The following PLCL2 variants were observed in gnomAD, a reference collection of about 807,000 sequenced individuals.
The protein encoded by PLCL2 is inactive phospholipase C-like protein 2.
Under a neutral mutation model 79.6 loss-of-function variants are expected in PLCL2, and 4 were observed. The observed-to-expected ratio is 0.05, with a 90% CI of 0.02 to 0.11. The LOEUF (loss-of-function observed/expected upper bound fraction) is 0.11, where lower values mean the gene tolerates loss of function less well. PLCL2 is among the 10% of genes least tolerant of loss of function. The pLI is 1.00. For synonymous variants in PLCL2, 484 were observed against 457.7 expected, an observed-to-expected ratio of 1.06 and a Z score of -0.73; for missense variants, 895 against 1,291.0, an observed-to-expected ratio of 0.69 and a Z score of 4.70.
intron 1 of PLCL2, among the ~76,000 whole-genome samples, chr3:16,962,257 T>C (rs1489325530): frequency 6.6e-6 from 1 of 152,190 alleles, no homozygotes; most frequent in Non-Finnish European, 1.5e-5. Flanking sequence ...TGATTTAGTA[T>C]GAAATGGAGA....
At chr3:17,026,285 ACT>A (rs2064516630) in intron 3 of PLCL2, among the ~76,000 whole-genome samples, 2 of 152,216 alleles carry the variant, frequency 1.3e-5, no homozygotes, top group South Asian at 4.1e-4. Context: ...GTCAAGTTTA[ACT>A]CTACAAGCTT....
At chr3:16,971,061 G>A (rs1259663623) in intron 1 of PLCL2, among the ~76,000 whole-genome samples, 1 of 151,740 alleles carries the variant, frequency 6.6e-6, no homozygotes, top group Non-Finnish European at 1.5e-5. Context: ...AAGCTCTTTA[G>A]TTTAATTAGA....
chr3:17,017,992 G>A (rs914514207), intron 3 of PLCL2, among the ~76,000 whole-genome samples: 2 of 152,090 alleles, frequency 1.3e-5, no homozygotes, highest in Admixed American at 6.5e-5. Context: ...CTCCTGTGGT[G>A]GGGTGAGCCT....
Position 17,090,074 on chromosome 3 carries a change from A to G in PLCL2, c.*162A>G. ...ATTAAAACTGTGAATGTATGTAGCA[A>G]TCCTGCGTGTGAAGGCAAATAAACT... On this transcript the variant is annotated 3_prime_UTR_variant, in exon 6 of 6. Coordinates refer to ENST00000615277, the MANE Select transcript of PLCL2 (RefSeq NM_001144382.2). 7.4e-7 allele frequency: 1 copy of G among 1,345,414 alleles called. No individual in the cohort carries two copies. The allele number at this position is 1,345,414 out of a possible 1,614,324, so 83.3% of individuals were successfully genotyped here.
chr3:17,055,756 G>A (rs768052243), intron 4 of PLCL2, among the ~76,000 whole-genome samples: 1 of 152,008 alleles, frequency 6.6e-6, no homozygotes, highest in African/African-American at 2.4e-5. Flanking sequence ...CTCTTTTGAG[G>A]GTAGAGCAGA....
intron 1 of PLCL2, among the ~76,000 whole-genome samples, chr3:16,916,859 T>G (rs1022094408): frequency 2.9e-4 from 44 of 152,198 alleles, no homozygotes; most frequent in African/African-American, 9.7e-4. Context: ...TTTGGCTTCC[T>G]TCTCTCTTTT....
At chr3:16,985,907 G>A (rs1318919958) in intron 1 of PLCL2, among the ~76,000 whole-genome samples, 2 of 152,280 alleles carry the variant, frequency 1.3e-5, no homozygotes, top group East Asian at 3.9e-4. Flanking sequence ...ATTCCCGGCA[G>A]CCCCTTGGAG....
chr3:17,054,449 A>G (rs2064873656), intron 4 of PLCL2, among the ~76,000 whole-genome samples: 1 of 152,060 alleles, frequency 6.6e-6, no homozygotes, highest in Non-Finnish European at 1.5e-5. Flanking sequence ...ACCAGTTCCA[A>G]AGCTGCTTTC....
intron 1 of PLCL2, among the ~76,000 whole-genome samples, chr3:16,993,817 G>T (rs551518113): frequency 1.3e-5 from 2 of 152,156 alleles, no homozygotes; most frequent in East Asian, 1.9e-4. Context: ...AAACTACTAC[G>T]CAGTGTGTAC....
intron 4 of PLCL2, among the ~76,000 whole-genome samples, chr3:17,052,477 T>G (rs1396159801): frequency 2.0e-5 from 3 of 152,172 alleles, no homozygotes; most frequent in Non-Finnish European, 4.4e-5. Flanking sequence ...ATGACTTCTT[T>G]TATGACAAAG....
At chr3:17,040,898 A>G (rs1021068315) in intron 3 of PLCL2, among the ~76,000 whole-genome samples, 4 of 151,950 alleles carry the variant, frequency 2.6e-5, no homozygotes, top group Non-Finnish European at 4.4e-5. Context: ...CATTTGTTTA[A>G]TGACTGGGTT....
rs1413821641 is a variant in PLCL2 at position 16,971,136 on chromosome 3, C to A, written c.328-38538C>A. Among the ~76,000 whole-genome samples the A allele has an allele frequency of 3.6e-3, 541 of 151,258 alleles. 2 individuals carry two copies. Among genetic ancestry groups the A allele is most frequent in the African/African-American group, 5.1e-3 (209 of 41,172 alleles). Reference sequence around the variant, plus strand: ...GGTGTTTTAGACATGAAGTCCTTGCCCATGCCTATGTCCTGAATGGTAATG... The same window carrying A: ...GGTGTTTTAGACATGAAGTCCTTGCACATGCCTATGTCCTGAATGGTAATG... On this transcript the variant is annotated intron_variant, in intron 1 of 5. Transcript: ENST00000615277.
chr3:16,904,306 C>CAAAAAAAAAG (rs1696699812), intron 1 of PLCL2, among the ~76,000 whole-genome samples: 1 of 116,132 alleles, frequency 8.6e-6, no homozygotes, highest in Admixed American at 8.7e-5. Context: ...GAGATCTTGA[C>CAAAAAAAAAG]AAAAAAAAAA....
intron 1 of PLCL2, among the ~76,000 whole-genome samples, chr3:16,922,776 T>G (rs1476349648): frequency 1.3e-5 from 2 of 151,530 alleles, no homozygotes; most frequent in Non-Finnish European, 2.9e-5. Flanking sequence ...TAGAGACAGC[T>G]AAATATACCA....
chr3:16,983,907 C>A (rs2064023759), intron 1 of PLCL2, among the ~76,000 whole-genome samples: 1 of 152,110 alleles, frequency 6.6e-6, no homozygotes, highest in Admixed American at 6.5e-5. Context: ...GTCACATTTT[C>A]AAATGTAATG....
At chr3:16,929,247 G>C (rs1168079553) in intron 1 of PLCL2, among the ~76,000 whole-genome samples, 1 of 152,100 alleles carries the variant, frequency 6.6e-6, no homozygotes, top group African/African-American at 2.4e-5. Context: ...CTCTGCACTA[G>C]GACTTGTCTC....
At chr3:16,993,882 G>C (rs569654272) in intron 1 of PLCL2, among the ~76,000 whole-genome samples, 84 of 152,246 alleles carry the variant, frequency 5.5e-4, no homozygotes, top group African/African-American at 1.7e-3. Flanking sequence ...ATGGTATAGA[G>C]ACCCTCTTAA....
intron 3 of PLCL2, among the ~76,000 whole-genome samples, chr3:17,025,989 G>T (rs3936024): frequency 0.015 from 2,335 of 152,130 alleles, 56 homozygotes; most frequent in African/African-American, 0.053. Flanking sequence ...CTGTCAGTGG[G>T]GACTGTGGGA....
intron 1 of PLCL2, among the ~76,000 whole-genome samples, chr3:16,944,790 C>G (rs1445805932): frequency 1.3e-5 from 2 of 151,030 alleles, no homozygotes; most frequent in Non-Finnish European, 2.9e-5. Context: ...GACAGAGTCT[C>G]CTTCTGTCGC....
Sources: gnomAD v4.1 joint callset for allele counts (sites outside exome capture counted in the v4.1 genomes callset) on GRCh38, gnomAD v4.1.1 for gene constraint, MANE v1.5 for transcripts, NCBI Gene and HGNC (gene_info 2026-07-23, HGNC 2026-07-21) for gene names.